Variants in FRMD4B observed in about 807,000 individuals in gnomAD.
FRMD4B encodes FERM domain containing 4B.
A neutral mutation model predicts 141.5 loss-of-function variants in FRMD4B; 74 were observed. The ratio of observed to expected loss-of-function variants is 0.52; its 90% CI spans 0.43 to 0.63. The LOEUF (loss-of-function observed/expected upper bound fraction) is 0.63. Among genes scored for constraint, FRMD4B ranks in the 30% least tolerant of loss-of-function variants. FRMD4B has a pLI of 0.00. For missense variants in FRMD4B, 1,366 were observed against 1,253.4 expected (o/e 1.09, Z -1.36); for synonymous variants, 506 against 467.9 (o/e 1.08, Z -1.05).
intron 5 of FRMD4B, among the ~76,000 whole-genome samples, chr3:69,273,818 G>C (rs2093605938): frequency 6.6e-6 from 1 of 151,762 alleles, no homozygotes; most frequent in Non-Finnish European, 1.5e-5. Context: ...ATGCATAAAG[G>C]AAGAATTCAA....
chr3:69,529,044 G>A (rs1700976252), intron 1 of FRMD4B, among the ~76,000 whole-genome samples: 1 of 152,134 alleles, frequency 6.6e-6, no homozygotes, highest in Non-Finnish European at 1.5e-5. Context: ...CAATGCAGGT[G>A]CTGGCAGCGG....
intron 1 of FRMD4B, among the ~76,000 whole-genome samples, chr3:69,458,699 T>G (rs1216541760): frequency 6.6e-6 from 1 of 151,926 alleles, no homozygotes; most frequent in African/African-American, 2.4e-5. Context: ...AAGACCAGAG[T>G]TGGCCATTAT....
intron 14 of FRMD4B, 27 bp from the exon 15 acceptor site, chr3:69,195,391 G>A (rs1242920905): frequency 5.1e-6 from 8 of 1,579,468 alleles, no homozygotes; most frequent in Admixed American, 1.9e-5. Context: ...GGGCAGGGAA[G>A]GTTTATACAA....
At chr3:69,528,646 G>A (rs936881979) in intron 1 of FRMD4B, among the ~76,000 whole-genome samples, 23 of 152,126 alleles carry the variant, frequency 1.5e-4, no homozygotes, top group Admixed American at 1.4e-3. Context: ...GACTGCAGGC[G>A]TGAGCCACCG....
chr3:69,458,287 G>C (rs1423178663), intron 1 of FRMD4B, among the ~76,000 whole-genome samples: 1 of 152,162 alleles, frequency 6.6e-6, no homozygotes, highest in Non-Finnish European at 1.5e-5. Flanking sequence ...CATGTGGGCT[G>C]GGTATACGAT....
chr3:69,421,702 AGCCAC>A (rs1704984530), intron 2 of FRMD4B, among the ~76,000 whole-genome samples: 1 of 152,246 alleles, frequency 6.6e-6, no homozygotes, highest in Non-Finnish European at 1.5e-5. Flanking sequence ...CAGTCACAAC[AGCCAC>A]CTTTCAACTG....
At chr3:69,220,305 T>A (rs573397492) in intron 9 of FRMD4B, among the ~76,000 whole-genome samples, 2 of 152,300 alleles carry the variant, frequency 1.3e-5, no homozygotes, top group East Asian at 3.9e-4. Context: ...TATTTGAGTA[T>A]CTAAGCATAG....
At position 69,206,255 on chromosome 3, in the gene FRMD4B, C is replaced by A. The variant is rs1421398748; in HGVS notation, c.877-7481G>T. ...GTCCCAGCTACTCGGGAGGCTGAGG[C>A]AGGAAAATTGCTTGAACACAGGAGG... On this transcript the variant is annotated intron_variant, in intron 11 of 22. Coordinates refer to ENST00000398540, the MANE Select transcript of FRMD4B (RefSeq NM_015123.3). 2.0e-5 allele frequency among the ~76,000 whole-genome samples: 3 copies of A among 152,086 alleles called. No individual in the cohort carries two copies. In the South Asian group the frequency reaches 6.2e-4, roughly 32 times the overall value.
chr3:69,505,045 G>A (rs1706572128), intron 1 of FRMD4B, among the ~76,000 whole-genome samples: 1 of 151,932 alleles, frequency 6.6e-6, no homozygotes, highest in South Asian at 2.1e-4. Flanking sequence ...TTGGATATCA[G>A]AGACTCTGAT....
intron 1 of FRMD4B, among the ~76,000 whole-genome samples, chr3:69,353,007 A>C (rs1703199541): frequency 6.6e-6 from 1 of 152,136 alleles, no homozygotes; most frequent in Non-Finnish European, 1.5e-5. Flanking sequence ...TAAATCAAAA[A>C]GCATTTCTGT....
chr3:69,332,742 A>ATTTTTTT lies in FRMD4B; in HGVS notation c.163-19232_163-19226dup, dbSNP rs58437578. Among the ~76,000 whole-genome samples the ATTTTTTT allele has an allele frequency of 8.0e-4, 54 of 67,550 alleles. 2 individuals are homozygous for ATTTTTTT. Among genetic ancestry groups the ATTTTTTT allele is most frequent in the African/African-American group, 2.4e-3 (38 of 15,998 alleles). 44.3% of individuals were successfully genotyped at this position (67,550 alleles called of 152,430 possible). A position where few individuals can be genotyped will look rare whatever the true frequency, so the allele number is the denominator to read the frequency against. ...CAGGTGTGCACCACCACACCTGGCT[A>ATTTTTTT]TTTTTTTTTTTTTTTTTTTTTTTTT... is the stretch of plus-strand genomic sequence containing the variant. On this transcript the variant is annotated intron_variant, in intron 1 of 22. Coordinates refer to ENST00000398540, the MANE Select transcript of FRMD4B (RefSeq NM_015123.3).
chr3:69,203,341 A>AAAAAG (rs1553700373), intron 11 of FRMD4B, among the ~76,000 whole-genome samples: 74 of 76,960 alleles, frequency 9.6e-4, no homozygotes, highest in Non-Finnish European at 1.3e-3. Flanking sequence ...AAAAAAAAAA[A>AAAAAG]AAAGAAAGAA....
intron 1 of FRMD4B, among the ~76,000 whole-genome samples, chr3:69,446,001 T>G (rs932773768): frequency 6.6e-6 from 1 of 152,174 alleles, no homozygotes; most frequent in African/African-American, 2.4e-5. Context: ...AGTGACTATT[T>G]GTCAAATGAA....
intron 1 of FRMD4B, among the ~76,000 whole-genome samples, chr3:69,514,851 T>C (rs1228198910): frequency 6.6e-6 from 1 of 151,968 alleles, no homozygotes; most frequent in Non-Finnish European, 1.5e-5. Flanking sequence ...TTTGAAGAAA[T>C]AGAAAAATCC....
intron 1 of FRMD4B, among the ~76,000 whole-genome samples, chr3:69,480,351 G>A (rs151156105): frequency 0.11 from 16,702 of 152,026 alleles, 1,002 homozygotes; most frequent in South Asian, 0.19. Context: ...TCTACTTTTG[G>A]TCTTTGAAGA....
At chr3:69,292,869 T>C in intron 4 of FRMD4B, 1 of 229,456 alleles carries the variant, frequency 4.4e-6, no homozygotes, top group Non-Finnish European at 8.9e-6. Flanking sequence ...ATGCTTACTG[T>C]GAGCGATTTC....
chr3:69,496,949 T>G (rs1173643206), intron 1 of FRMD4B, among the ~76,000 whole-genome samples: 1 of 152,004 alleles, frequency 6.6e-6, no homozygotes, highest in African/African-American at 2.4e-5. Flanking sequence ...AACAGCTTGC[T>G]TCCCCATCCA....
At chr3:69,207,975 G>A (rs1259054886) in intron 11 of FRMD4B, among the ~76,000 whole-genome samples, 1 of 151,478 alleles carries the variant, frequency 6.6e-6, no homozygotes, top group African/African-American at 2.4e-5. Context: ...CGCTTCCTGG[G>A]TTCAAGCAAT....
chr3:69,329,126 C>T (rs1702275181), intron 1 of FRMD4B, among the ~76,000 whole-genome samples: 2 of 152,112 alleles, frequency 1.3e-5, no homozygotes, highest in Non-Finnish European at 2.9e-5. Context: ...ATGGTCAGAA[C>T]ACTCAGGATG....
Sources: allele counts gnomAD v4.1 joint callset (sites outside exome capture counted in the v4.1 genomes callset), GRCh38; gene constraint gnomAD v4.1.1; transcripts MANE v1.5; gene names NCBI Gene and HGNC (gene_info 2026-07-23, HGNC 2026-07-21).